The following CCDC186 variants were observed in gnomAD, a reference collection of about 807,000 sequenced individuals.
The protein encoded by CCDC186 is coiled-coil domain containing 186, also known as coiled-coil domain-containing protein 186.
In CCDC186, 49 loss-of-function variants were observed where a neutral mutation model predicts 113.7. The ratio of observed to expected loss-of-function variants is 0.43; its 90% CI spans 0.34 to 0.55. CCDC186 has a LOEUF of 0.55. CCDC186 is among the 20% of genes least tolerant of loss of function. CCDC186 has a pLI of 0.02. For missense variants in CCDC186, 890 were observed against 1,011.1 expected (o/e 0.88, Z 1.62); for synonymous variants, 355 against 345.8 (o/e 1.03, Z -0.30).
chr10:114,163,207 T>C lies in CCDC186; in HGVS notation c.62A>G (p.Glu21Gly). The C allele has an allele frequency of 6.2e-7, 1 of 1,613,834 alleles. No individual in the cohort carries two copies. The highest frequency in any genetic ancestry group is 8.5e-7 in the Non-Finnish European group (1 of 1,179,992). ...CAAGTTGCATGAGTCTTCCTTTAATTCAGGTGTTTTCCCAACATTTTTATC... is the reference window on the plus strand; with the variant it reads ...CAAGTTGCATGAGTCTTCCTTTAATCCAGGTGTTTTCCCAACATTTTTATC... ...SSDKNVGKTP[E>G]LKEDSCNLFS... is the part of the protein sequence containing the mutation. The change falls in exon 2 of 16, where the codon GAA (glutamate) becomes GGA (glycine). Residue 21 changes from glutamate to glycine, a missense_variant. Coordinates refer to ENST00000369287, the MANE Select transcript of CCDC186 (RefSeq NM_018017.4).
intron 1 of CCDC186, among the ~76,000 whole-genome samples, chr10:114,165,647 G>A (rs1456650863): frequency 6.6e-6 from 1 of 152,050 alleles, no homozygotes; most frequent in Admixed American, 6.6e-5. Context: ...CCAAGATTGC[G>A]CCACTGCACT....
At chr10:114,165,985 T>C (rs1378035958) in intron 1 of CCDC186, 1 of 947,332 alleles carries the variant, frequency 1.1e-6, no homozygotes, top group Admixed American at 6.2e-5. Flanking sequence ...TTTTAATGGC[T>C]AGAACCTGTC....
chr10:114,131,010 G>GT (rs1564905486), intron 12 of CCDC186, 137 bp downstream of exon 12: 1 of 651,524 alleles, frequency 1.5e-6, no homozygotes, highest in Non-Finnish European at 2.3e-6. Context: ...ATTCCAAGAA[G>GT]TTTAACAATT....
chr10:114,172,454 TTAGAG>T (rs2119819880), intron 1 of CCDC186, among the ~76,000 whole-genome samples: 1 of 152,278 alleles, frequency 6.6e-6, no homozygotes, highest in Admixed American at 6.5e-5. Context: ...AACTAAAAGG[TTAGAG>T]TGGTCACTGT....
intron 12 of CCDC186, chr10:114,130,711 A>G (rs1473529000): frequency 6.6e-6 from 1 of 152,336 alleles, no homozygotes; most frequent in Non-Finnish European, 1.5e-5. Flanking sequence ...GTAAAAGAAG[A>G]TATCAGAACT....
intron 1 of CCDC186, chr10:114,168,067 A>G (rs1156414156): frequency 6.6e-6 from 1 of 152,206 alleles, no homozygotes; most frequent in Non-Finnish European, 1.5e-5. Context: ...AATACCTTTT[A>G]GCAACTCTTA....
chr10:114,140,964 T>A (rs1272785346), intron 6 of CCDC186, among the ~76,000 whole-genome samples: 1 of 151,618 alleles, frequency 6.6e-6, no homozygotes, highest in Non-Finnish European at 1.5e-5. Flanking sequence ...TGCAGTGGCA[T>A]GATCATAGCT....
At chr10:114,155,589 C>T (rs367783473) in intron 3 of CCDC186, among the ~76,000 whole-genome samples, 46 of 152,166 alleles carry the variant, frequency 3.0e-4, no homozygotes, top group Middle Eastern at 3.4e-3. Flanking sequence ...GCAGAAGAAT[C>T]GCTTGAACCT....
chr10:114,151,976 G>T (rs2031870014), intron 3 of CCDC186, among the ~76,000 whole-genome samples: 1 of 152,148 alleles, frequency 6.6e-6, no homozygotes, highest in South Asian at 2.1e-4. Context: ...GAAGAAAAAA[G>T]AAATTCATGC....
intron 6 of CCDC186, among the ~76,000 whole-genome samples, chr10:114,140,688 T>C (rs1459693135): frequency 6.6e-6 from 1 of 152,192 alleles, no homozygotes; most frequent in Non-Finnish European, 1.5e-5. Flanking sequence ...ACTAATCTTG[T>C]CCTCTGCAGT....
At chr10:114,145,877 C>T (rs773675507) in intron 4 of CCDC186, 116 bp from the exon 5 acceptor site, 173 of 930,676 alleles carry the variant, frequency 1.9e-4, no homozygotes, top group Non-Finnish European at 2.2e-4. Context: ...TTTTGCACAA[C>T]ATTCCCAGGA....
chr10:114,164,102 G>GTGTGTATA (rs1386565625), intron 1 of CCDC186, among the ~76,000 whole-genome samples: 1 of 101,092 alleles, frequency 9.9e-6, no homozygotes, highest in East Asian at 2.9e-4. Flanking sequence ...GTGTGTGTGT[G>GTGTGTATA]TATATATATA....
intron 2 of CCDC186, among the ~76,000 whole-genome samples, chr10:114,160,785 A>G (rs1473442459): frequency 2.0e-5 from 3 of 152,252 alleles, no homozygotes; most frequent in Admixed American, 2.0e-4. Context: ...GATGAAGAAA[A>G]AAGTTAAGAA....
Position 114,127,627 on chromosome 10 carries a change from T to A in CCDC186, c.2227A>T (p.Asn743Tyr). 6.2e-7 allele frequency: 1 copy of A among 1,614,080 alleles called. No individual in the cohort carries two copies. Among genetic ancestry groups the A allele is most frequent in the Non-Finnish European group, 8.5e-7 (1 of 1,180,006 alleles). ...RSSAEDRSPE[N>Y]TGSSVAVDNF... ...TCCACAGCTACTGAGGACCCAGTATTTTCTGGAGATCGATCTTCTGCACTG... is the reference window on the plus strand; with the variant it reads ...TCCACAGCTACTGAGGACCCAGTATATTCTGGAGATCGATCTTCTGCACTG... The change falls in exon 14 of 16, where the codon AAT becomes TAT. Residue 743 changes from asparagine to tyrosine, a missense_variant. Physicochemically the swap from Asn to Tyr is moderately radical, Grantham distance 143. Transcript: ENST00000369287.
intron 4 of CCDC186, among the ~76,000 whole-genome samples, chr10:114,148,956 T>TA (rs2031729499): frequency 6.6e-6 from 1 of 152,246 alleles, no homozygotes; most frequent in Non-Finnish European, 1.5e-5. Context: ...AAACAAAACT[T>TA]ACTAGGCTTA....
In CCDC186 at chr10:114,159,662, A is replaced by T. The variant is rs1398846808; in HGVS notation, c.633-1982T>A. Among the ~76,000 whole-genome samples, 183 of 149,616 alleles carry T rather than the reference A, an allele frequency of 1.2e-3. 2 individuals carry two copies. Among genetic ancestry groups the T allele is most frequent in the African/African-American group, 4.2e-3 (174 of 41,020 alleles). On this transcript the variant is annotated intron_variant, in intron 2 of 15. Coordinates refer to ENST00000369287, the MANE Select transcript of CCDC186 (RefSeq NM_018017.4). ...TCTCAAAAAAAAAAAAAAAAAAAAA[A>T]AAGAATTTTAGGCTAGGCACAGTGG...
At chr10:114,146,270 T>TAA (rs1018140761) in intron 4 of CCDC186, among the ~76,000 whole-genome samples, 2 of 152,228 alleles carry the variant, frequency 1.3e-5, no homozygotes, top group African/African-American at 4.8e-5. Context: ...CTCTGGGGTG[T>TAA]AATACCTGCT....
intron 4 of CCDC186, among the ~76,000 whole-genome samples, chr10:114,149,762 A>AAGGC (rs1458021292): frequency 2.3e-3 from 36 of 15,724 alleles, no homozygotes; most frequent in Non-Finnish European, 4.2e-3. Flanking sequence ...GGCAGGAAGG[A>AAGGC]AGGAAGGAAG....
chr10:114,162,878 C>T lies in CCDC186; in HGVS notation c.391G>A (p.Ala131Thr), dbSNP rs147799223. The T allele has an allele frequency of 1.2e-5, 19 of 1,613,804 alleles. No individual in the cohort carries two copies. The highest frequency in any genetic ancestry group is 8.9e-5 in the East Asian group (4 of 44,868). The change falls in exon 2 of 16, where the codon GCT (alanine) becomes ACT (threonine). Residue 131 changes from alanine (A) to threonine (T), a missense_variant. Ala to Thr is a moderately conservative substitution (Grantham distance 58). Coordinates refer to ENST00000369287, the MANE Select transcript of CCDC186 (RefSeq NM_018017.4). ...ELRSSTFPES[A>T]NEKTYSESPY... is the part of the protein sequence containing the mutation. ...CTTTCTGAATAAGTCTTTTCATTAG[C>T]TGATTCTGGAAATGTAGATGACCTT...
Sources: gnomAD v4.1 joint callset for allele counts (sites outside exome capture counted in the v4.1 genomes callset) on GRCh38, gnomAD v4.1.1 for gene constraint, MANE v1.5 for transcripts, NCBI Gene and HGNC (gene_info 2026-07-23, HGNC 2026-07-21) for gene names.